Variants in CPS1 observed in about 807,000 individuals in gnomAD.
CPS1 encodes the protein carbamoyl-phosphate synthase 1.
CPS1 carries 109 observed loss-of-function variants against 174.6 expected under a neutral mutation model. The ratio of observed to expected loss-of-function variants is 0.62; its 90% CI spans 0.53 to 0.73. The LOEUF (loss-of-function observed/expected upper bound fraction) is 0.73, where lower values mean the gene tolerates loss of function less well. CPS1 is among the 30% of genes least tolerant of loss of function. CPS1 has a pLI of 0.00. For synonymous variants in CPS1, 637 were observed against 632.0 expected (o/e 1.01, Z -0.12); for missense variants, 1,689 against 1,821.9 (o/e 0.93, Z 1.33).
chr2:210,677,434 T>C (rs1194199465), intron 37 of CPS1, among the ~76,000 whole-genome samples: 1 of 152,238 alleles, frequency 6.6e-6, no homozygotes, highest in African/African-American at 2.4e-5. Context: ...CAAACTTTTA[T>C]TTCATTGTTT....
At chr2:210,653,930 C>T in intron 28 of CPS1, 95 bp from the exon 29 acceptor site, 3 of 952,966 alleles carry the variant, frequency 3.1e-6, no homozygotes, top group Non-Finnish European at 5.1e-6. Flanking sequence ...GCAAGTATTG[C>T]CCTGATACTT....
intron 34 of CPS1, chr2:210,673,604 A>T (rs916040910): frequency 2.0e-5 from 3 of 152,188 alleles, no homozygotes; most frequent in Non-Finnish European, 4.4e-5. Context: ...GGGTAGAGGA[A>T]CCCATGCTTG....
intron 13 of CPS1, among the ~76,000 whole-genome samples, chr2:210,597,426 C>T (rs1373761715): frequency 6.6e-6 from 1 of 151,800 alleles, no homozygotes; most frequent in African/African-American, 2.4e-5. Context: ...ATCTCAATTT[C>T]TTCATCCAAA....
chr2:210,535,086 C>T (rs1310855875), intron 1 of CPS1, among the ~76,000 whole-genome samples: 2 of 152,234 alleles, frequency 1.3e-5, no homozygotes, highest in African/African-American at 4.8e-5. Context: ...CTGAGCACTT[C>T]CCTGTCTTTC....
chr2:210,677,050 A>C lies in CPS1; in HGVS notation c.4318A>C (p.Asn1440His). The C allele has an allele frequency of 6.2e-7, 1 of 1,613,780 alleles. No homozygotes were observed. The highest frequency in any genetic ancestry group is 8.5e-7 in the Non-Finnish European group (1 of 1,179,714). The change falls in exon 37 of 38, where the codon AAC (asparagine) becomes CAC (histidine). Residue 1440 changes from asparagine to histidine, a missense_variant. Coordinates refer to ENST00000233072, the MANE Select transcript of CPS1 (RefSeq NM_001875.5). ...CATTGACCTAGTGATTAACCTTCCC[A>C]ACAACAACACTAAATTTGTCCATGA... ...GSIDLVINLP[N>H]NNTKFVHDNY... is the part of the protein sequence containing the mutation.
At chr2:210,543,893 C>G (rs1257242016) in intron 1 of CPS1, among the ~76,000 whole-genome samples, 2 of 151,980 alleles carry the variant, frequency 1.3e-5, no homozygotes, top group African/African-American at 4.8e-5. Context: ...AGAATCACTT[C>G]CCCCCCTCCC....
intron 32 of CPS1, among the ~76,000 whole-genome samples, chr2:210,660,889 A>G (rs1183672476): frequency 1.3e-5 from 2 of 152,222 alleles, no homozygotes; most frequent in African/African-American, 4.8e-5. Flanking sequence ...TTCAAAATCA[A>G]TTAGCTGAGT....
intron 34 of CPS1, chr2:210,672,030 G>T (rs1016455443): frequency 6.6e-6 from 1 of 152,060 alleles, no homozygotes; most frequent in African/African-American, 2.4e-5. Context: ...GCTTAAGTAT[G>T]CATCAAAATC....
At chr2:210,525,690 G>A (rs770991079) in intron 1 of CPS1, among the ~76,000 whole-genome samples, 1 of 151,528 alleles carries the variant, frequency 6.6e-6, no homozygotes, top group African/African-American at 2.4e-5. Context: ...GTTTGGAGAT[G>A]TCATACCAGT....
intron 1 of CPS1, among the ~76,000 whole-genome samples, chr2:210,538,047 A>G (rs763866982): frequency 6.6e-6 from 1 of 152,168 alleles, no homozygotes; most frequent in East Asian, 1.9e-4. Flanking sequence ...GGGTTCTTCA[A>G]TCCTCCTGGT....
intron 1 of CPS1, among the ~76,000 whole-genome samples, chr2:210,524,580 G>A (rs1423489125): frequency 6.6e-6 from 1 of 151,864 alleles, no homozygotes; most frequent in Non-Finnish European, 1.5e-5. Flanking sequence ...ATTTCTATGG[G>A]GAACTTGTCA....
At chr2:210,635,364 A>G (rs1700012232) in intron 21 of CPS1, among the ~76,000 whole-genome samples, 1 of 152,148 alleles carries the variant, frequency 6.6e-6, no homozygotes, top group African/African-American at 2.4e-5. Context: ...TTATCCCTCC[A>G]TAAAGTGTTT....
chr2:210,505,792 TAATACAGC>T (rs1695264508), intron 1 of CPS1, among the ~76,000 whole-genome samples: 1 of 152,152 alleles, frequency 6.6e-6, no homozygotes, highest in African/African-American at 2.4e-5. Flanking sequence ...TGCTCATTGC[TAATACAGC>T]AGTCTGAGAT....
At chr2:210,496,374 G>A (rs907392845) in intron 1 of CPS1, among the ~76,000 whole-genome samples, 1 of 152,082 alleles carries the variant, frequency 6.6e-6, no homozygotes, top group East Asian at 1.9e-4. Context: ...AGCATTTCCT[G>A]CCTCTATTCC....
chr2:210,633,276 G>A (rs774032855), intron 21 of CPS1, among the ~76,000 whole-genome samples: 14 of 151,010 alleles, frequency 9.3e-5, no homozygotes, highest in Non-Finnish European at 1.5e-4. Context: ...TTTTTTTTTC[G>A]TCACCAGAGC....
At chr2:210,526,424 C>T (rs953287910) in intron 1 of CPS1, among the ~76,000 whole-genome samples, 1 of 151,246 alleles carries the variant, frequency 6.6e-6, no homozygotes, top group African/African-American at 2.4e-5. Flanking sequence ...CTGTCCTGGG[C>T]GAAAATTCCA....
intron 17 of CPS1, 116 bp from the exon 18 acceptor site, chr2:210,606,615 A>G: frequency 1.1e-6 from 1 of 935,872 alleles, no homozygotes; most frequent in Non-Finnish European, 1.7e-6. Flanking sequence ...TCACATATAT[A>G]TCCCAACAAA....
intron 1 of CPS1, among the ~76,000 whole-genome samples, chr2:210,506,543 G>A (rs10197334): frequency 0.19 from 29,196 of 152,076 alleles, 3,265 homozygotes; most frequent in African/African-American, 0.28. Flanking sequence ...TGACTCTGAC[G>A]AGCTGAGAGA....
At chr2:210,597,480 A>G (rs944599348) in intron 13 of CPS1, among the ~76,000 whole-genome samples, 2 of 151,858 alleles carry the variant, frequency 1.3e-5, no homozygotes, top group Non-Finnish European at 1.5e-5. Flanking sequence ...AATCAAATAC[A>G]TTACTAAAAA....
Sources: gnomAD v4.1 joint callset for allele counts (sites outside exome capture counted in the v4.1 genomes callset) on GRCh38, gnomAD v4.1.1 for gene constraint, MANE v1.5 for transcripts, NCBI Gene and HGNC (gene_info 2026-07-23, HGNC 2026-07-21) for gene names.